The following TAF4B variants were observed in gnomAD, a reference collection of about 807,000 sequenced individuals.
The protein encoded by TAF4B is transcription initiation factor TFIID subunit 4B.
A neutral mutation model predicts 86.4 loss-of-function variants in TAF4B; 38 were observed. That is an observed-to-expected ratio of 0.44 (90% CI 0.34 to 0.58). The LOEUF (loss-of-function observed/expected upper bound fraction) is 0.58, where lower values mean the gene tolerates loss of function less well. Among genes scored for constraint, TAF4B ranks in the 20% least tolerant of loss-of-function variants. TAF4B has a pLI of 0.02. For missense variants in TAF4B, 988 were observed against 1,027.6 expected, an observed-to-expected ratio of 0.96 and a Z score of 0.53; for synonymous variants, 388 against 391.2, an observed-to-expected ratio of 0.99 and a Z score of 0.10.
At chr18:26,380,105 AAG>A (rs1290580405) in intron 14 of TAF4B, among the ~76,000 whole-genome samples, 1 of 152,154 alleles carries the variant, frequency 6.6e-6, no homozygotes. Flanking sequence ...AAATAAAAAT[AAG>A]AGTACTTCTT....
chr18:26,266,479 A>G (rs2056241203), intron 2 of TAF4B, among the ~76,000 whole-genome samples: 1 of 152,240 alleles, frequency 6.6e-6, no homozygotes, highest in South Asian at 2.1e-4. Context: ...GCTGCATTTC[A>G]TTAACTTGGC....
At chr18:26,263,443 G>A (rs923972153) in intron 1 of TAF4B, among the ~76,000 whole-genome samples, 1 of 152,116 alleles carries the variant, frequency 6.6e-6, no homozygotes, top group Non-Finnish European at 1.5e-5. Context: ...GCTTGTCTAT[G>A]TAGATATGAA....
At chr18:26,326,962 G>C (rs1168747791) in intron 11 of TAF4B, 53 bp from the exon 12 acceptor site, 1 of 1,580,236 alleles carries the variant, frequency 6.3e-7, no homozygotes, top group Non-Finnish European at 8.6e-7. Flanking sequence ...ACCTAATGTA[G>C]AATGTGTGGC....
At chr18:26,346,773 ATG>A (rs756189495) in intron 13 of TAF4B, among the ~76,000 whole-genome samples, 837 of 24,076 alleles carry the variant, frequency 0.035, 173 homozygotes, top group African/African-American at 0.078. Context: ...ATATATATAT[ATG>A]TGTGTGTATA....
intron 9 of TAF4B, chr18:26,295,313 A>G: frequency 3.8e-6 from 1 of 262,318 alleles, no homozygotes; most frequent in Non-Finnish European, 7.7e-6. Flanking sequence ...AAAGGCTCAC[A>G]GGTATAGAAT....
intron 13 of TAF4B, among the ~76,000 whole-genome samples, chr18:26,346,775 G>GTATATATATATA (rs2057186723): frequency 7.5e-5 from 1 of 13,258 alleles, no homozygotes; most frequent in Non-Finnish European, 1.7e-4. Flanking sequence ...ATATATATAT[G>GTATATATATATA]TGTGTGTATA....
chr18:26,250,486 G>A (rs1423333669), intron 1 of TAF4B, among the ~76,000 whole-genome samples: 6 of 137,580 alleles, frequency 4.4e-5, no homozygotes, highest in Non-Finnish European at 7.7e-5. Context: ...AACAGAGCGA[G>A]ACTCCATCTC....
At chr18:26,317,865 T>G (rs2056927367) in intron 10 of TAF4B, among the ~76,000 whole-genome samples, 1 of 152,164 alleles carries the variant, frequency 6.6e-6, no homozygotes, top group African/African-American at 2.4e-5. Flanking sequence ...GCATTAGAGC[T>G]TCAACATGAA....
intron 9 of TAF4B, among the ~76,000 whole-genome samples, chr18:26,306,443 C>T (rs970873026): frequency 7.9e-5 from 12 of 152,092 alleles, no homozygotes; most frequent in African/African-American, 2.9e-4. Context: ...TTTGTTTACC[C>T]CTGCTTCCAT....
At chr18:26,341,457 A>C (rs1278444740) in intron 13 of TAF4B, among the ~76,000 whole-genome samples, 1 of 152,166 alleles carries the variant, frequency 6.6e-6, no homozygotes, top group Non-Finnish European at 1.5e-5. Context: ...AAAATTTTGT[A>C]ATATAGAATA....
At chr18:26,299,243 A>G (rs1467382863) in intron 9 of TAF4B, among the ~76,000 whole-genome samples, 1 of 152,138 alleles carries the variant, frequency 6.6e-6, no homozygotes, top group African/African-American at 2.4e-5. Context: ...ATGATCCCTG[A>G]AAGTATAGTC....
intron 12 of TAF4B, among the ~76,000 whole-genome samples, chr18:26,334,643 A>T (rs1381937892): frequency 3.3e-5 from 5 of 152,204 alleles, no homozygotes; most frequent in Non-Finnish European, 2.9e-5. Context: ...GGACCCAAAG[A>T]TGATAAGACA....
intron 9 of TAF4B, among the ~76,000 whole-genome samples, chr18:26,313,274 C>T (rs1284892475): frequency 6.6e-6 from 1 of 152,136 alleles, no homozygotes; most frequent in African/African-American, 2.4e-5. Context: ...TTTATGTTCA[C>T]GTGTTCTTTT....
chr18:26,254,406 A>G (rs754969514), intron 1 of TAF4B, among the ~76,000 whole-genome samples: 5 of 152,160 alleles, frequency 3.3e-5, no homozygotes, highest in Non-Finnish European at 7.3e-5. Flanking sequence ...TAGAAACTTA[A>G]TAGGCTAAAA....
At chr18:26,308,143 A>G (rs2056815731) in intron 9 of TAF4B, among the ~76,000 whole-genome samples, 1 of 152,076 alleles carries the variant, frequency 6.6e-6, no homozygotes, top group Non-Finnish European at 1.5e-5. Context: ...AATCCTAGCT[A>G]CTTGGGAGGC....
At chr18:26,371,302 T>C (rs1027685711) in intron 14 of TAF4B, among the ~76,000 whole-genome samples, 1 of 152,182 alleles carries the variant, frequency 6.6e-6, no homozygotes, top group South Asian at 2.1e-4. Flanking sequence ...TTCAGAAAAC[T>C]GTGGTCCCCT....
At chr18:26,255,815 A>G in intron 1 of TAF4B, 1 of 1,454,896 alleles carries the variant, frequency 6.9e-7, no homozygotes, top group South Asian at 1.1e-5. Flanking sequence ...GAACTTCCCC[A>G]AAACGGCCTT....
At chr18:26,316,474 T>A (rs2056913269) in intron 10 of TAF4B, among the ~76,000 whole-genome samples, 2 of 151,992 alleles carry the variant, frequency 1.3e-5, no homozygotes, top group African/African-American at 4.8e-5. Context: ...CACTGCAGCC[T>A]CTGCCTCCCA....
intron 14 of TAF4B, among the ~76,000 whole-genome samples, chr18:26,388,235 C>T (rs1273354393): frequency 6.6e-6 from 1 of 152,124 alleles, no homozygotes. Flanking sequence ...TTTTTCTTTT[C>T]TTCCAATTAA....
Sources: allele counts gnomAD v4.1 joint callset (sites outside exome capture counted in the v4.1 genomes callset), GRCh38; gene constraint gnomAD v4.1.1; transcripts MANE v1.5; gene names NCBI Gene and HGNC (gene_info 2026-07-23, HGNC 2026-07-21).